The following HECW2 variants were observed in gnomAD, a reference collection of about 807,000 sequenced individuals.
The protein encoded by HECW2 is E3 ubiquitin-protein ligase HECW2.
A neutral mutation model predicts 175.2 loss-of-function variants in HECW2; 61 were observed. That is an observed-to-expected ratio of 0.35 (90% CI 0.28 to 0.43). The LOEUF (loss-of-function observed/expected upper bound fraction) is 0.43. Ranked by LOEUF, HECW2 falls within the 20% of genes least tolerant of loss-of-function variation. The pLI is 1.00. For missense variants in HECW2, 1,524 were observed against 2,000.5 expected (o/e 0.76, Z 4.54); for synonymous variants, 671 against 731.0 (o/e 0.92, Z 1.32).
chr2:196,355,122 C>T (rs1013175239), intron 2 of HECW2, among the ~76,000 whole-genome samples: 3 of 152,152 alleles, frequency 2.0e-5, no homozygotes, highest in Middle Eastern at 3.2e-3. Context: ...TACTATAAAT[C>T]TCATGTGAAA....
At chr2:196,579,797 GCA>G (rs1460873781) in intron 1 of HECW2, among the ~76,000 whole-genome samples, 1 of 152,270 alleles carries the variant, frequency 6.6e-6, no homozygotes, top group Non-Finnish European at 1.5e-5. Flanking sequence ...GGACATACAT[GCA>G]CAGAGGAAAG....
intron 14 of HECW2, among the ~76,000 whole-genome samples, chr2:196,283,578 A>G (rs533862230): frequency 1.3e-5 from 2 of 152,062 alleles, no homozygotes; most frequent in East Asian, 3.9e-4. Context: ...ACGGGGTTTC[A>G]TCACGTTGGC....
chr2:196,250,086 G>GCAATTTACCTTTTCCTCAGGCATTT lies in HECW2; in HGVS notation c.3529+3833_3529+3834insAAATGCCTGAGGAAAAGGTAAATTG, dbSNP rs1688800595. Among the ~76,000 whole-genome samples, 30 of 152,288 alleles carry GCAATTTACCTTTTCCTCAGGCATTT rather than the reference G, an allele frequency of 2.0e-4. No homozygotes were observed. In the South Asian group the frequency reaches 6.2e-3, roughly 32 times the overall value. On this transcript the variant is annotated intron_variant, in intron 19 of 28. Transcript: ENST00000644978. ...TGCATGCCTTTAAAGAGCACGGAAGGGGCAGCATTTGGCAATTTACCTTTT... is the reference window on the plus strand; with the variant it reads ...TGCATGCCTTTAAAGAGCACGGAAGGCAATTTACCTTTTCCTCAGGCATTTGGCAGCATTTGGCAATTTACCTTTT...
At chr2:196,384,621 T>A (rs556269438) in intron 2 of HECW2, among the ~76,000 whole-genome samples, 1 of 152,180 alleles carries the variant, frequency 6.6e-6, no homozygotes, top group East Asian at 1.9e-4. Flanking sequence ...GCAAATAAAA[T>A]AGCAGAAGTC....
chr2:196,256,172 GTGT>G (rs1189688306), intron 18 of HECW2, among the ~76,000 whole-genome samples: 48 of 152,110 alleles, frequency 3.2e-4, no homozygotes, highest in Non-Finnish European at 2.9e-5. Flanking sequence ...ATAATACATT[GTGT>G]TGTTTACTAT....
intron 2 of HECW2, among the ~76,000 whole-genome samples, chr2:196,381,999 T>C (rs1161162216): frequency 6.6e-6 from 1 of 152,188 alleles, no homozygotes; most frequent in Non-Finnish European, 1.5e-5. Flanking sequence ...ATAAATTATG[T>C]TACATCTCAA....
chr2:196,498,380 T>A (rs1195433618), intron 1 of HECW2, among the ~76,000 whole-genome samples: 1 of 152,244 alleles, frequency 6.6e-6, no homozygotes, highest in African/African-American at 2.4e-5. Flanking sequence ...GGTCCCTTTT[T>A]TATTTTTATG....
rs1432934172 is a variant in HECW2, at chr2:196,194,678, A to G, written c.*6599T>C. The G allele has an allele frequency of 6.6e-6, 1 of 152,166 alleles. No homozygotes were observed. Among genetic ancestry groups the G allele is most frequent in the African/African-American group, 2.4e-5 (1 of 41,438 alleles). 9.4% of individuals were successfully genotyped at this position (152,166 alleles called of 1,614,324 possible). A position where few individuals can be genotyped will look rare whatever the true frequency, so the allele number is the denominator to read the frequency against. ...TTATTTACTTTGAAAAAAAAATTAC[A>G]TATAAGGTGAAGTGAGAGCTGTATA... On this transcript the variant is annotated 3_prime_UTR_variant, in exon 29 of 29. Transcript: ENST00000644978.
rs10191211 is a variant in HECW2, at chr2:196,322,667, A to T, written c.742-47T>A. On this transcript the variant is annotated intron_variant, in intron 6 of 28. Transcript: ENST00000644978. Reference sequence around the variant, plus strand: ...ATGCTGGTTTAAAAGAAAGACAAATATGATACTATATCATTTTATTTGTAT... The same window carrying T: ...ATGCTGGTTTAAAAGAAAGACAAATTTGATACTATATCATTTTATTTGTAT... The T allele has an allele frequency of 2.7e-3, 4,134 of 1,503,336 alleles. 105 individuals carry two copies. The African/African-American group carries it at 0.049, about 18-fold the overall frequency. 93.1% of individuals were successfully genotyped at this position (1,503,336 alleles called of 1,614,324 possible). A position where few individuals can be genotyped will look rare whatever the true frequency, so the allele number is the denominator to read the frequency against.
intron 1 of HECW2, among the ~76,000 whole-genome samples, chr2:196,456,480 G>T (rs561175826): frequency 8.5e-5 from 13 of 152,290 alleles, no homozygotes; most frequent in African/African-American, 3.1e-4. Context: ...TCTGTATATG[G>T]ATTGTAAATG....
intron 18 of HECW2, among the ~76,000 whole-genome samples, chr2:196,256,913 G>C (rs1689077699): frequency 6.6e-6 from 1 of 152,184 alleles, no homozygotes; most frequent in Admixed American, 6.5e-5. Context: ...TACACACAAA[G>C]AAAAATAATT....
intron 1 of HECW2, among the ~76,000 whole-genome samples, chr2:196,563,718 GATC>G (rs1385019413): frequency 6.6e-6 from 1 of 152,076 alleles, no homozygotes; most frequent in Non-Finnish European, 1.5e-5. Context: ...ATATAATACT[GATC>G]ATCAAGTATT....
intron 26 of HECW2, chr2:196,218,159 T>C (rs185646128): frequency 1.7e-3 from 264 of 152,362 alleles, no homozygotes; most frequent in African/African-American, 6.0e-3. Context: ...ACTGGCTCTT[T>C]GTAGCTTTAA....
intron 1 of HECW2, among the ~76,000 whole-genome samples, chr2:196,579,278 A>C (rs2125525476): frequency 6.6e-6 from 1 of 152,258 alleles, no homozygotes; most frequent in East Asian, 1.9e-4. Flanking sequence ...TCAACAAGAG[A>C]ATTAAAATGG....
intron 1 of HECW2, among the ~76,000 whole-genome samples, chr2:196,510,607 T>A (rs975855563): frequency 1.4e-3 from 206 of 142,814 alleles, no homozygotes; most frequent in Non-Finnish European, 2.4e-3. Flanking sequence ...TTTTTTTTTT[T>A]AAGTCTTCCA....
At chr2:196,548,671 A>G (rs73989987) in intron 1 of HECW2, among the ~76,000 whole-genome samples, 5,346 of 152,326 alleles carry the variant, frequency 0.035, 311 homozygotes, top group African/African-American at 0.12. Flanking sequence ...TGGGACTGCC[A>G]TAAGAAATAC....
At chr2:196,234,392 A>G (rs1374603847) in intron 21 of HECW2, among the ~76,000 whole-genome samples, 1 of 151,932 alleles carries the variant, frequency 6.6e-6, no homozygotes, top group Non-Finnish European at 1.5e-5. Context: ...GACTCAAGCG[A>G]TCCTCCTGCC....
chr2:196,359,139 T>C (rs1186052109), intron 2 of HECW2, among the ~76,000 whole-genome samples: 5 of 152,122 alleles, frequency 3.3e-5, no homozygotes, highest in Admixed American at 1.3e-4. Context: ...CTCCTTTCTT[T>C]CCTCTAATTA....
rs111618904 is a variant in HECW2, at chr2:196,516,468, A to G, written c.-36+77040T>C. ...TATAATTTTTGTAATTTTTTCCTTA[A>G]GCTATGTTTATTCGTATTATATAAT... On this transcript the variant is annotated intron_variant, in intron 1 of 28. Transcript: ENST00000644978. Among the ~76,000 whole-genome samples the G allele has an allele frequency of 4.1e-3, 622 of 152,274 alleles. 2 individuals carry two copies. The highest frequency in any genetic ancestry group is 0.02 in the Middle Eastern group (6 of 294).
Sources: allele counts gnomAD v4.1 joint callset (sites outside exome capture counted in the v4.1 genomes callset), GRCh38; gene constraint gnomAD v4.1.1; transcripts MANE v1.5; gene names NCBI Gene and HGNC (gene_info 2026-07-23, HGNC 2026-07-21).